Variants in FYB1 observed in about 807,000 individuals in gnomAD.
FYB1 encodes FYN-binding protein 1.
Under a neutral mutation model 94.1 loss-of-function variants are expected in FYB1, and 41 were observed. The observed-to-expected ratio is 0.44, with a 90% CI of 0.34 to 0.57. FYB1 has a LOEUF of 0.57. FYB1 is among the 20% of genes least tolerant of loss of function. The pLI is 0.02. For synonymous variants in FYB1, 367 were observed against 353.2 expected (o/e 1.04, Z -0.44); for missense variants, 1,050 against 976.8 (o/e 1.07, Z -1.00).
intron 1 of FYB1, chr5:39,274,297 G>A (rs1452493376): frequency 6.6e-6 from 1 of 152,152 alleles, no homozygotes; most frequent in Non-Finnish European, 1.5e-5. Context: ...TAACCCGAAT[G>A]TCTAACATTT....
chr5:39,167,481 G>A (rs1744845678), intron 2 of FYB1, among the ~76,000 whole-genome samples: 1 of 152,130 alleles, frequency 6.6e-6, no homozygotes, highest in African/African-American at 2.4e-5. Context: ...ACCTTTGTAT[G>A]TATGCACAGG....
upstream of FYB1, among the ~76,000 whole-genome samples, chr5:39,220,981 A>G (rs1365283641): frequency 2.0e-5 from 3 of 152,202 alleles, no homozygotes; most frequent in Non-Finnish European, 4.4e-5. Flanking sequence ...AATATTTACT[A>G]TCTAGTCCTC....
chr5:39,260,352 G>A (rs1579802680), intron 1 of FYB1, among the ~76,000 whole-genome samples: 2 of 152,142 alleles, frequency 1.3e-5, no homozygotes, highest in Non-Finnish European at 2.9e-5. Context: ...CTACTTTCTT[G>A]TTACAACAGT....
At chr5:39,255,262 A>G (rs919040430) in intron 1 of FYB1, among the ~76,000 whole-genome samples, 1 of 152,162 alleles carries the variant, frequency 6.6e-6, no homozygotes, top group African/African-American at 2.4e-5. Flanking sequence ...TGCCCAGTCT[A>G]TGTGACATTT....
intron 2 of FYB1, among the ~76,000 whole-genome samples, chr5:39,177,529 A>G (rs942887509): frequency 5.3e-5 from 8 of 152,216 alleles, no homozygotes; most frequent in South Asian, 2.1e-4. Context: ...ACATTGCTCA[A>G]TGTAATAACT....
intron 1 of FYB1, among the ~76,000 whole-genome samples, chr5:39,268,049 G>T (rs1752507474): frequency 1.3e-5 from 2 of 151,900 alleles, no homozygotes; most frequent in Admixed American, 6.6e-5. Flanking sequence ...TATTATTAAA[G>T]ATATTTTAAA....
Position 39,270,297 on chromosome 5 carries a change from A to G in FYB1, c.-28+4106T>C, listed in dbSNP as rs2111769786. Among the ~76,000 whole-genome samples the G allele has an allele frequency of 1.3e-5, 2 of 152,294 alleles. 1 individual carries two copies. Among genetic ancestry groups the G allele is most frequent in the Middle Eastern group, 6.8e-3 (2 of 294 alleles). On this transcript the variant is annotated intron_variant, in intron 1 of 1. Coordinates refer to the FYB1 transcript ENST00000510188. ...GGCACCAAGCTATCCTATGAGGCAA[A>G]GACAAAGAATGCATATTTTCTTTCT...
upstream of FYB1, among the ~76,000 whole-genome samples, chr5:39,223,877 T>C (rs1367147495): frequency 6.6e-6 from 1 of 152,146 alleles, no homozygotes; most frequent in Non-Finnish European, 1.5e-5. Context: ...TTTCTGTCTT[T>C]ATACCCCAGC....
intron 1 of FYB1, among the ~76,000 whole-genome samples, chr5:39,242,456 A>G (rs1751256753): frequency 6.6e-6 from 1 of 152,150 alleles, no homozygotes; most frequent in South Asian, 2.1e-4. Flanking sequence ...ATGTCCCTAC[A>G]AAGGACATGA....
At chr5:39,195,463 G>A (rs1030342214) in intron 2 of FYB1, among the ~76,000 whole-genome samples, 3 of 152,182 alleles carry the variant, frequency 2.0e-5, no homozygotes, top group African/African-American at 7.2e-5. Flanking sequence ...CTGGAAACAA[G>A]TTACTTGCTG....
intron 1 of FYB1, among the ~76,000 whole-genome samples, chr5:39,227,961 A>G (rs1750555554): frequency 6.6e-6 from 1 of 152,188 alleles, no homozygotes; most frequent in Admixed American, 6.6e-5. Flanking sequence ...GCCAACTGGG[A>G]ACTGGGAACA....
upstream of FYB1, among the ~76,000 whole-genome samples, chr5:39,223,597 T>C (rs1750357470): frequency 1.3e-5 from 2 of 152,230 alleles, no homozygotes; most frequent in Non-Finnish European, 2.9e-5. Context: ...TCAGTGCTTC[T>C]GGATATTTAT....
intron 1 of FYB1, 86 bp downstream of exon 1, chr5:39,219,357 C>T: frequency 9.7e-6 from 8 of 827,160 alleles, no homozygotes; most frequent in Non-Finnish European, 1.0e-5. Context: ...ACAGTCTGTG[C>T]TGCCAGAATT....
chr5:39,246,577 T>C lies in FYB1; in HGVS notation c.-28+27826A>G, dbSNP rs79897525. Among the ~76,000 whole-genome samples, 646 of 152,326 alleles carry C rather than the reference T, an allele frequency of 4.2e-3. 4 individuals are homozygous for C. The highest frequency in any genetic ancestry group is 0.015 in the African/African-American group (609 of 41,574). ...CAAGTTAATACTGTCCATACACTGG[T>C]TTCACAGGGTTCCCTCTCTTATGTC... On this transcript the variant is annotated intron_variant, in intron 1 of 1. Transcript: ENST00000510188.
chr5:39,129,900 C>G (rs909006986), intron 10 of FYB1, among the ~76,000 whole-genome samples: 2 of 152,040 alleles, frequency 1.3e-5, no homozygotes, highest in African/African-American at 4.8e-5. Flanking sequence ...AGCAATCTCA[C>G]TACTGGATAT....
Position 39,169,107 on chromosome 5 carries a change from A to G in FYB1, c.1136-15503T>C. 1.4e-5 allele frequency: 9 copies of G among 648,204 alleles called. No homozygotes were observed. In the South Asian group the frequency reaches 1.5e-4, roughly 11 times the overall value. The allele number at this position is 648,204 out of a possible 1,614,324, so 40.2% of individuals were successfully genotyped here. A position where few individuals can be genotyped will look rare whatever the true frequency, so the allele number is the denominator to read the frequency against. On this transcript the variant is annotated intron_variant, in intron 2 of 18. Coordinates refer to ENST00000512982, the MANE Select transcript of FYB1 (RefSeq NM_001465.6). ...AAAAGTTAAAAGCTTGTAGTGATAA[A>G]ATAATCTTGTGCACATTCTCAGAAA... is the stretch of plus-strand genomic sequence containing the variant.
At chr5:39,264,495 T>C (rs1752347528) in intron 1 of FYB1, among the ~76,000 whole-genome samples, 1 of 152,236 alleles carries the variant, frequency 6.6e-6, no homozygotes. Context: ...AGCATTCATG[T>C]GGCCACTGCC....
chr5:39,172,809 A>G (rs529104692), intron 2 of FYB1, among the ~76,000 whole-genome samples: 1 of 152,300 alleles, frequency 6.6e-6, no homozygotes, highest in East Asian at 1.9e-4. Flanking sequence ...ATAGTATTCC[A>G]TGGTGTATAT....
At position 39,138,638 on chromosome 5, in the gene FYB1, TA is replaced by T; in HGVS notation, c.1394+18del. ...TCATCTTTGAAGAAAACTGTCATGG[TA>T]AAAAATGTAATTCATACATGTCTTC... On this transcript the variant is annotated intron_variant, in intron 6 of 18. Coordinates refer to ENST00000512982, the MANE Select transcript of FYB1 (RefSeq NM_001465.6). 1 of 1,486,408 alleles carries T rather than the reference TA, an allele frequency of 6.7e-7. No homozygotes were observed. The highest frequency in any genetic ancestry group is 9.3e-7 in the Non-Finnish European group (1 of 1,075,292). The allele number at this position is 1,486,408 out of a possible 1,614,324, so 92.1% of individuals were successfully genotyped here.
Sources: gnomAD v4.1 joint callset for allele counts (sites outside exome capture counted in the v4.1 genomes callset) on GRCh38, gnomAD v4.1.1 for gene constraint, MANE v1.5 for transcripts, NCBI Gene and HGNC (gene_info 2026-07-23, HGNC 2026-07-21) for gene names.